BMPR1B: variants seen among roughly 807,000 people sequenced by gnomAD.
BMPR1B encodes the protein bone morphogenetic protein receptor type 1B.
In BMPR1B, 12 loss-of-function variants were observed where a neutral mutation model predicts 59.1. That is an observed-to-expected ratio of 0.20 (90% CI 0.13 to 0.33). The LOEUF is 0.33. Among genes scored for constraint, BMPR1B ranks in the 10% least tolerant of loss-of-function variants. BMPR1B has a pLI of 1.00. For missense variants in BMPR1B, 550 were observed against 610.9 expected (o/e 0.90, Z 1.05); for synonymous variants, 237 against 207.3 (o/e 1.14, Z -1.23).
chr4:95,054,850 C>T (rs774111499), intron 3 of BMPR1B, among the ~76,000 whole-genome samples: 29 of 152,104 alleles, frequency 1.9e-4, no homozygotes, highest in Non-Finnish European at 3.7e-4. Context: ...ACAATGTACC[C>T]GTCCTGACGA....
intron 2 of BMPR1B, among the ~76,000 whole-genome samples, chr4:94,926,525 A>G (rs1262458341): frequency 6.6e-6 from 1 of 152,152 alleles, no homozygotes; most frequent in Non-Finnish European, 1.5e-5. Flanking sequence ...TGTCATTTTG[A>G]ATGGATACTC....
intron 1 of BMPR1B, among the ~76,000 whole-genome samples, chr4:94,789,739 A>G (rs1722904318): frequency 6.6e-6 from 1 of 152,218 alleles, no homozygotes; most frequent in Non-Finnish European, 1.5e-5. Flanking sequence ...TGCAAAAACC[A>G]CAATTTACTT....
intron 1 of BMPR1B, among the ~76,000 whole-genome samples, chr4:94,763,987 C>T (rs992928547): frequency 6.6e-6 from 1 of 152,146 alleles, no homozygotes; most frequent in Admixed American, 6.5e-5. Flanking sequence ...GGCTTGCAGA[C>T]AGTTGTGGCA....
chr4:95,146,447 C>T (rs11930492), intron 10 of BMPR1B, among the ~76,000 whole-genome samples: 14 of 152,208 alleles, frequency 9.2e-5, no homozygotes, highest in African/African-American at 3.4e-4. Context: ...TCACACATTC[C>T]ATTATCTTTT....
intron 3 of BMPR1B, among the ~76,000 whole-genome samples, chr4:95,006,410 A>G (rs1722836481): frequency 6.6e-6 from 1 of 152,064 alleles, no homozygotes; most frequent in African/African-American, 2.4e-5. Context: ...AATCCTTATA[A>G]TAATTCTATG....
chr4:94,852,516 A>G (rs1371782345), intron 1 of BMPR1B, among the ~76,000 whole-genome samples: 1 of 152,106 alleles, frequency 6.6e-6, no homozygotes, highest in East Asian at 1.9e-4. Context: ...CTAGTTCCAA[A>G]TGGTTGTCAT....
In BMPR1B at chr4:94,780,939, C is replaced by T. The variant is rs373346610; in HGVS notation, c.-183+22871C>T. ...TCCTGACCTTGTGATCCACCCACCT[C>T]GGCCTCCCAAAGTTCTGGGATTACA... On this transcript the variant is annotated intron_variant, in intron 1 of 12. Coordinates refer to ENST00000515059, the MANE Select transcript of BMPR1B (RefSeq NM_001203.3). Among the ~76,000 whole-genome samples, 22 of 152,142 alleles carry T rather than the reference C, an allele frequency of 1.4e-4. No homozygotes were observed. In the South Asian group the frequency reaches 1.7e-3, roughly 11 times the overall value.
intron 4 of BMPR1B, among the ~76,000 whole-genome samples, chr4:95,111,429 A>C (rs1334649741): frequency 2.0e-5 from 3 of 152,116 alleles, no homozygotes; most frequent in African/African-American, 7.2e-5. Flanking sequence ...CCTTGTAAAC[A>C]CTATATTCAT....
At chr4:94,792,956 A>G (rs374648904) in intron 1 of BMPR1B, among the ~76,000 whole-genome samples, 1 of 152,218 alleles carries the variant, frequency 6.6e-6, no homozygotes, top group African/African-American at 2.4e-5. Context: ...GTCAGAAAAG[A>G]GGAAAAATAT....
chr4:95,087,267 T>G (rs1729656101), intron 3 of BMPR1B, among the ~76,000 whole-genome samples: 1 of 152,070 alleles, frequency 6.6e-6, no homozygotes, highest in Non-Finnish European at 1.5e-5. Flanking sequence ...CTCATATCCT[T>G]CTAATCAATT....
At chr4:95,078,343 T>G (rs1229839237) in intron 3 of BMPR1B, among the ~76,000 whole-genome samples, 1 of 152,212 alleles carries the variant, frequency 6.6e-6, no homozygotes, top group Non-Finnish European at 1.5e-5. Context: ...TATATGCAGT[T>G]GCAGTGAAAC....
chr4:95,033,750 A>C (rs2149161117), intron 3 of BMPR1B, among the ~76,000 whole-genome samples: 1 of 152,284 alleles, frequency 6.6e-6, no homozygotes, highest in African/African-American at 2.4e-5. Flanking sequence ...TGAGCTAGAA[A>C]GAAGATACCT....
At chr4:95,037,353 T>A (rs1348404534) in intron 3 of BMPR1B, among the ~76,000 whole-genome samples, 1 of 152,202 alleles carries the variant, frequency 6.6e-6, no homozygotes, top group Non-Finnish European at 1.5e-5. Context: ...GAAAGTATTT[T>A]CCCTGGTAGA....
At chr4:95,061,210 C>CACACACACA (rs1242880406) in intron 3 of BMPR1B, among the ~76,000 whole-genome samples, 1 of 132,596 alleles carries the variant, frequency 7.5e-6, no homozygotes, top group African/African-American at 2.7e-5. Context: ...CACACACACA[C>CACACACACA]CACACACCCC....
chr4:95,025,809 G>C (rs1338394001), intron 3 of BMPR1B, among the ~76,000 whole-genome samples: 1 of 152,100 alleles, frequency 6.6e-6, no homozygotes, highest in African/African-American at 2.4e-5. Flanking sequence ...CACTAGAATG[G>C]TTTTTTAATA....
intron 3 of BMPR1B, among the ~76,000 whole-genome samples, chr4:95,004,746 T>C (rs1156614052): frequency 1.3e-5 from 2 of 152,180 alleles, no homozygotes; most frequent in Non-Finnish European, 2.9e-5. Context: ...CCTTGAAATT[T>C]ATATCTGTGT....
chr4:94,866,276 C>T (rs529674217), intron 1 of BMPR1B, among the ~76,000 whole-genome samples: 6 of 152,290 alleles, frequency 3.9e-5, no homozygotes, highest in Middle Eastern at 3.4e-3. Flanking sequence ...TAGAGGTCAT[C>T]GGAGACATGC....
At chr4:94,870,217 T>G (rs1356115742) in intron 1 of BMPR1B, among the ~76,000 whole-genome samples, 24 of 152,212 alleles carry the variant, frequency 1.6e-4, no homozygotes, top group Non-Finnish European at 1.5e-5. Flanking sequence ...GGGCTTGTTT[T>G]TATGATTTTC....
intron 2 of BMPR1B, among the ~76,000 whole-genome samples, chr4:94,877,399 C>T: frequency 6.6e-6 from 1 of 152,102 alleles, no homozygotes; most frequent in East Asian, 1.9e-4. Flanking sequence ...GGCCTTTTAC[C>T]AGGAGTTGGG....
Sources: allele counts gnomAD v4.1 joint callset (sites outside exome capture counted in the v4.1 genomes callset), GRCh38; gene constraint gnomAD v4.1.1; transcripts MANE v1.5; gene names NCBI Gene and HGNC (gene_info 2026-07-23, HGNC 2026-07-21).